SDCCAG8: variants seen among roughly 807,000 people sequenced by gnomAD.
SDCCAG8 encodes the protein serologically defined colon cancer antigen 8.
Under a neutral mutation model 101.8 loss-of-function variants are expected in SDCCAG8, and 74 were observed. That is an observed-to-expected ratio of 0.73 (90% CI 0.60 to 0.88). The LOEUF is 0.88. Among genes scored for constraint, SDCCAG8 ranks in the 40% least tolerant of loss-of-function variants. SDCCAG8 has a pLI of 0.00. For missense variants in SDCCAG8, 787 were observed against 822.6 expected, an observed-to-expected ratio of 0.96 and a Z score of 0.53; for synonymous variants, 281 against 292.9, an observed-to-expected ratio of 0.96 and a Z score of 0.41.
chr1:243,438,516 TTGTGTG>T (rs147959124), intron 16 of SDCCAG8, among the ~76,000 whole-genome samples: 33 of 146,514 alleles, frequency 2.3e-4, no homozygotes, highest in South Asian at 2.2e-3. Flanking sequence ...GTGGGAGTGA[TTGTGTG>T]TGTGTGTGTG....
chr1:243,408,964 T>C (rs1037374471), intron 13 of SDCCAG8, among the ~76,000 whole-genome samples: 1 of 152,190 alleles, frequency 6.6e-6, no homozygotes, highest in African/African-American at 2.4e-5. Flanking sequence ...AAGTTATTAG[T>C]CTATAGTCAC....
intron 17 of SDCCAG8, among the ~76,000 whole-genome samples, chr1:243,493,773 G>A (rs994044013): frequency 5.3e-5 from 8 of 151,758 alleles, no homozygotes; most frequent in Non-Finnish European, 1.5e-5. Context: ...CAAGATCATC[G>A]ACATTATCTC....
intron 13 of SDCCAG8, among the ~76,000 whole-genome samples, chr1:243,381,549 G>A (rs1445636966): frequency 3.3e-5 from 5 of 151,564 alleles, no homozygotes; most frequent in South Asian, 4.2e-4. Context: ...TGATTGCGCC[G>A]CTACACTCCA....
At chr1:243,399,393 T>G (rs2079225959) in intron 13 of SDCCAG8, among the ~76,000 whole-genome samples, 1 of 152,206 alleles carries the variant, frequency 6.6e-6, no homozygotes, top group South Asian at 2.1e-4. Flanking sequence ...AAAAATTATT[T>G]TTGGATTTTG....
intron 16 of SDCCAG8, among the ~76,000 whole-genome samples, chr1:243,443,008 C>T (rs1290977817): frequency 1.3e-5 from 2 of 152,130 alleles, no homozygotes; most frequent in East Asian, 3.8e-4. Flanking sequence ...AGAAAATAAT[C>T]AGTATGCAAT....
At chr1:243,414,046 T>C (rs961767761) in intron 13 of SDCCAG8, among the ~76,000 whole-genome samples, 3 of 152,162 alleles carry the variant, frequency 2.0e-5, no homozygotes, top group Non-Finnish European at 4.4e-5. Context: ...GAGGCTGGGC[T>C]GAGGGTATAG....
At chr1:243,441,222 T>C (rs73120322) in intron 16 of SDCCAG8, among the ~76,000 whole-genome samples, 10 of 152,332 alleles carry the variant, frequency 6.6e-5, no homozygotes, top group African/African-American at 2.4e-4. Flanking sequence ...TAGGCATCCA[T>C]CTAGCTGATG....
At chr1:243,424,133 G>C (rs908087466) in intron 15 of SDCCAG8, among the ~76,000 whole-genome samples, 3 of 152,028 alleles carry the variant, frequency 2.0e-5, no homozygotes, top group Non-Finnish European at 4.4e-5. Context: ...AGTGCAGTTA[G>C]TGTTTCATTA....
chr1:243,426,577 C>G lies in SDCCAG8; in HGVS notation c.1985+19C>G. On this transcript the variant is annotated intron_variant, in intron 16 of 17. Coordinates refer to ENST00000366541, the MANE Select transcript of SDCCAG8 (RefSeq NM_006642.5). ...AGCAAAGGTAATCAAGGTTTCATGT[C>G]AACTCATGTGCCGCATATTGAATGT... is the stretch of plus-strand genomic sequence containing the variant. 1 of 1,613,714 alleles carries G rather than the reference C, an allele frequency of 6.2e-7. No homozygotes were observed. Among genetic ancestry groups the G allele is most frequent in the East Asian group, 2.2e-5 (1 of 44,824 alleles).
At chr1:243,275,520 T>G (rs1455387343) in intron 4 of SDCCAG8, among the ~76,000 whole-genome samples, 1 of 152,194 alleles carries the variant, frequency 6.6e-6, no homozygotes, top group Non-Finnish European at 1.5e-5. Context: ...AACATGTAAT[T>G]TCCTGTTTGT....
intron 12 of SDCCAG8, among the ~76,000 whole-genome samples, chr1:243,360,172 G>T (rs150568849): frequency 2.3e-3 from 284 of 126,156 alleles, no homozygotes; most frequent in Middle Eastern, 5.3e-3. Flanking sequence ...TTGAGATGGT[G>T]TCTCGCTCTG....
chr1:243,295,817 C>T (rs2070813712), intron 6 of SDCCAG8, among the ~76,000 whole-genome samples: 1 of 151,972 alleles, frequency 6.6e-6, no homozygotes, highest in Non-Finnish European at 1.5e-5. Context: ...TCTTTTATGC[C>T]TCCCCCTAGC....
intron 9 of SDCCAG8, chr1:243,318,569 T>C (rs1180364878): frequency 1.0e-6 from 1 of 985,218 alleles, no homozygotes; most frequent in African/African-American, 1.7e-5. Context: ...GCCATTGCTA[T>C]GTCCATTTGT....
chr1:243,317,190 TC>T (rs1454987467), intron 9 of SDCCAG8, among the ~76,000 whole-genome samples: 1 of 152,186 alleles, frequency 6.6e-6, no homozygotes, highest in Non-Finnish European at 1.5e-5. Context: ...GCTGCAAAAA[TC>T]TTAACACCCA....
intron 16 of SDCCAG8, among the ~76,000 whole-genome samples, chr1:243,483,151 G>A (rs1043643880): frequency 1.3e-5 from 2 of 152,318 alleles, no homozygotes; most frequent in Admixed American, 6.5e-5. Context: ...CGACGGTGAG[G>A]GGGGTGAAGG....
At chr1:243,347,872 G>GC (rs1449757818) in intron 12 of SDCCAG8, among the ~76,000 whole-genome samples, 1 of 151,996 alleles carries the variant, frequency 6.6e-6, no homozygotes, top group African/African-American at 2.4e-5. Flanking sequence ...TTTGATTAGG[G>GC]CCCAGTGCAA....
intron 12 of SDCCAG8, among the ~76,000 whole-genome samples, chr1:243,348,816 T>C (rs936530776): frequency 1.8e-4 from 4 of 22,684 alleles, no homozygotes; most frequent in Admixed American, 6.0e-4. Context: ...CTACTAAAAA[T>C]ACAAAAAAAA....
At chr1:243,401,503 A>G (rs909662807) in intron 13 of SDCCAG8, among the ~76,000 whole-genome samples, 4 of 152,220 alleles carry the variant, frequency 2.6e-5, no homozygotes, top group Admixed American at 6.5e-5. Context: ...AAAGAAATCC[A>G]TGTCTATTTG....
At chr1:243,378,982 G>C in intron 13 of SDCCAG8, 119 bp downstream of exon 13, 1 of 1,333,392 alleles carries the variant, frequency 7.5e-7, no homozygotes, top group Non-Finnish European at 1.1e-6. Context: ...TAGCTTTCAG[G>C]CATATTAAGA....
Sources: allele counts gnomAD v4.1 joint callset (sites outside exome capture counted in the v4.1 genomes callset), GRCh38; gene constraint gnomAD v4.1.1; transcripts MANE v1.5; gene names NCBI Gene and HGNC (gene_info 2026-07-23, HGNC 2026-07-21).